Variants in ADAMTS17 observed in about 807,000 individuals in gnomAD.
ADAMTS17 encodes ADAM metallopeptidase with thrombospondin type 1 motif 17, also known as A disintegrin and metalloproteinase with thrombospondin motifs 17.
ADAMTS17 carries 113 observed loss-of-function variants against 141.5 expected under a neutral mutation model. That is an observed-to-expected ratio of 0.80 (90% CI 0.69 to 0.93). The LOEUF is 0.93. Among genes scored for constraint, ADAMTS17 ranks in the 40% least tolerant of loss-of-function variants. ADAMTS17 has a pLI of 0.00. For missense variants in ADAMTS17, 1,659 were observed against 1,517.9 expected, an observed-to-expected ratio of 1.09 and a Z score of -1.54; for synonymous variants, 768 against 630.6, an observed-to-expected ratio of 1.22 and a Z score of -3.27.
At chr15:100,005,585 T>C (rs1022123208) in intron 18 of ADAMTS17, among the ~76,000 whole-genome samples, 2 of 152,148 alleles carry the variant, frequency 1.3e-5, no homozygotes, top group African/African-American at 4.8e-5. Flanking sequence ...GGAAGGACCC[T>C]TGTGATGACC....
At chr15:100,179,537 C>T (rs1348018879) in intron 8 of ADAMTS17, among the ~76,000 whole-genome samples, 3 of 152,126 alleles carry the variant, frequency 2.0e-5, no homozygotes, top group Admixed American at 6.5e-5. Context: ...GATATACTGA[C>T]TTCCTTTCTT....
intron 18 of ADAMTS17, among the ~76,000 whole-genome samples, chr15:100,003,455 G>A (rs2727125): frequency 0.065 from 9,816 of 152,088 alleles, 1,017 homozygotes; most frequent in African/African-American, 0.21. Flanking sequence ...AGGGTTGGCC[G>A]CGAGTAAGCG....
chr15:100,163,567 C>G (rs983089627), intron 8 of ADAMTS17, among the ~76,000 whole-genome samples: 2 of 152,136 alleles, frequency 1.3e-5, no homozygotes, highest in African/African-American at 4.8e-5. Flanking sequence ...TTCACTGCAG[C>G]CTCAAACTCC....
chr15:100,311,295 C>T (rs1296890816), intron 3 of ADAMTS17, among the ~76,000 whole-genome samples: 1 of 152,176 alleles, frequency 6.6e-6, no homozygotes, highest in African/African-American at 2.4e-5. Flanking sequence ...TCTCCACCCC[C>T]ACCGCCCCCT....
intron 7 of ADAMTS17, among the ~76,000 whole-genome samples, chr15:100,250,449 C>A (rs1162827900): frequency 6.6e-6 from 1 of 152,164 alleles, no homozygotes; most frequent in Non-Finnish European, 1.5e-5. Flanking sequence ...TTTTTCCATT[C>A]TGCGCAATCA....
intron 3 of ADAMTS17, among the ~76,000 whole-genome samples, chr15:100,307,969 G>A (rs998234316): frequency 6.6e-6 from 1 of 152,212 alleles, no homozygotes; most frequent in Non-Finnish European, 1.5e-5. Flanking sequence ...TTCAACCTAC[G>A]AGTACGTTCT....
chr15:100,184,799 C>T (rs2040648510), intron 8 of ADAMTS17, among the ~76,000 whole-genome samples: 1 of 152,124 alleles, frequency 6.6e-6, no homozygotes, highest in South Asian at 2.1e-4. Context: ...CCCCCTGTCA[C>T]AGCCCCTCTC....
chr15:100,329,519 G>A (rs1484581942), intron 3 of ADAMTS17, among the ~76,000 whole-genome samples: 20 of 127,084 alleles, frequency 1.6e-4, no homozygotes, highest in Non-Finnish European at 3.0e-4. Flanking sequence ...GAGTGAGATC[G>A]TGTCTCCAAA....
intron 4 of ADAMTS17, 119 bp downstream of exon 4, chr15:100,281,110 C>G: frequency 7.1e-7 from 1 of 1,407,460 alleles, no homozygotes; most frequent in Non-Finnish European, 9.7e-7. Context: ...GCTATGTTCC[C>G]GTATCCCCAA....
intron 8 of ADAMTS17, 103 bp downstream of exon 8, chr15:100,199,190 GGGTCCTTTATTGCAGATGCAGCAAA>G: frequency 1.2e-6 from 1 of 856,454 alleles, no homozygotes; most frequent in South Asian, 1.4e-5. Context: ...GTACTGACCT[GGGTCCTTTATTGCAGATGCAGCAAA>G]GGCATAGAGC....
At chr15:100,162,439 CACAT>C (rs1042233458) in intron 8 of ADAMTS17, among the ~76,000 whole-genome samples, 14 of 133,826 alleles carry the variant, frequency 1.0e-4, no homozygotes, top group African/African-American at 2.9e-5. Flanking sequence ...GTTATATATA[CACAT>C]ATAGTTATAT....
At chr15:100,089,265 G>C (rs2035299511) in intron 15 of ADAMTS17, among the ~76,000 whole-genome samples, 1 of 130,922 alleles carries the variant, frequency 7.6e-6, no homozygotes, top group South Asian at 2.2e-4. Flanking sequence ...TCAGAGAAAT[G>C]CAAATCAAAA....
chr15:100,081,978 T>A (rs1035629269), intron 15 of ADAMTS17, among the ~76,000 whole-genome samples: 1 of 152,244 alleles, frequency 6.6e-6, no homozygotes, highest in Admixed American at 6.5e-5. Context: ...TTGATAATAT[T>A]TGGACTCAGA....
chr15:100,038,366 A>G (rs1008961631), intron 18 of ADAMTS17, among the ~76,000 whole-genome samples: 10 of 152,202 alleles, frequency 6.6e-5, no homozygotes, highest in African/African-American at 2.4e-4. Flanking sequence ...TTGCAATTCC[A>G]TATGAATTTT....
chr15:100,031,151 G>A (rs934563461), intron 18 of ADAMTS17, among the ~76,000 whole-genome samples: 5 of 152,192 alleles, frequency 3.3e-5, no homozygotes, highest in African/African-American at 1.2e-4. Flanking sequence ...GCAGCTAGGG[G>A]TGAGGTGGGG....
intron 12 of ADAMTS17, among the ~76,000 whole-genome samples, chr15:100,131,527 A>G (rs1434399715): frequency 1.3e-5 from 2 of 152,172 alleles, no homozygotes. Flanking sequence ...CAATAAAAAG[A>G]AGCCAAAGAG....
intron 3 of ADAMTS17, among the ~76,000 whole-genome samples, chr15:100,301,370 G>A (rs4965307): frequency 0.11 from 17,343 of 151,472 alleles, 1,354 homozygotes; most frequent in East Asian, 0.31. Context: ...TGTTGCCCAG[G>A]CTGAAGTGCA....
intron 15 of ADAMTS17, among the ~76,000 whole-genome samples, chr15:100,060,421 AC>A: frequency 6.6e-6 from 1 of 152,266 alleles, no homozygotes; most frequent in East Asian, 1.9e-4. Flanking sequence ...ACACTTACAC[AC>A]CATCCTGGTC....
rs1407654692 is a variant in ADAMTS17, at chr15:99,973,180, A to G, written c.*1222T>C. 6.6e-6 allele frequency: 1 copy of G among 152,148 alleles called. No homozygotes were observed. The highest frequency in any genetic ancestry group is 1.5e-5 in the Non-Finnish European group (1 of 68,074). The allele number at this position is 152,148 out of a possible 1,614,324, so 9.4% of individuals were successfully genotyped here. ...CAGGGGGGAAGGACCTTCCTTCATC[A>G]TGCATCATCCTTGCCCCACCAAGAA... On this transcript the variant is annotated 3_prime_UTR_variant, in exon 22 of 22. Transcript: ENST00000268070.
Sources: gnomAD v4.1 joint callset for allele counts (sites outside exome capture counted in the v4.1 genomes callset) on GRCh38, gnomAD v4.1.1 for gene constraint, MANE v1.5 for transcripts, NCBI Gene and HGNC (gene_info 2026-07-23, HGNC 2026-07-21) for gene names.